The following MSI2 variants were observed in gnomAD, a reference collection of about 807,000 sequenced individuals.
MSI2 encodes musashi RNA binding protein 2.
A neutral mutation model predicts 45.6 loss-of-function variants in MSI2; 17 were observed. The observed-to-expected ratio is 0.37, with a 90% CI of 0.26 to 0.56. The LOEUF is 0.56. Among genes scored for constraint, MSI2 ranks in the 20% least tolerant of loss-of-function variants. The pLI, the probability that MSI2 is intolerant of heterozygous loss-of-function variation, is 0.77. For synonymous variants in MSI2, 156 were observed against 158.2 expected (o/e 0.99, Z 0.11); for missense variants, 293 against 444.2 (o/e 0.66, Z 3.06).
At chr17:57,631,970 T>C (rs1284812034) in intron 10 of MSI2, 7 of 1,444,992 alleles carry the variant, frequency 4.8e-6, no homozygotes, top group Non-Finnish European at 6.3e-6. Flanking sequence ...GACTGTTCTT[T>C]TTCTCATTTT....
At chr17:57,672,035 C>T (rs1228558062) in intron 11 of MSI2, among the ~76,000 whole-genome samples, 2 of 152,208 alleles carry the variant, frequency 1.3e-5, no homozygotes, top group East Asian at 1.9e-4. Context: ...TAGCTAGAGG[C>T]GGGACCAGCC....
At chr17:57,468,024 C>A (rs1187351552) in intron 6 of MSI2, among the ~76,000 whole-genome samples, 1 of 151,856 alleles carries the variant, frequency 6.6e-6, no homozygotes, top group Non-Finnish European at 1.5e-5. Context: ...AAAGTCGTTG[C>A]CTCAAACCCA....
intron 6 of MSI2, among the ~76,000 whole-genome samples, chr17:57,424,181 G>A (rs2084447715): frequency 6.6e-6 from 1 of 152,190 alleles, no homozygotes; most frequent in South Asian, 2.1e-4. Flanking sequence ...CTGTGTAGGA[G>A]CTGTCTTCTG....
intron 6 of MSI2, among the ~76,000 whole-genome samples, chr17:57,482,436 G>A (rs890287708): frequency 1.3e-5 from 2 of 152,118 alleles, no homozygotes; most frequent in East Asian, 1.9e-4. Flanking sequence ...TTCTCTACCC[G>A]TGTACAATTT....
At chr17:57,650,360 G>A (rs1488597024) in intron 10 of MSI2, among the ~76,000 whole-genome samples, 1 of 152,200 alleles carries the variant, frequency 6.6e-6, no homozygotes, top group Admixed American at 6.5e-5. Flanking sequence ...AGAAGCCTGG[G>A]TGTCCTGGGG....
chr17:57,674,296 T>G (rs1913058969), intron 11 of MSI2, among the ~76,000 whole-genome samples: 1 of 147,408 alleles, frequency 6.8e-6, no homozygotes, highest in Admixed American at 6.7e-5. Context: ...GGGGGTGGGA[T>G]GGAGAATGGA....
At chr17:57,678,609 G>T (rs1913403447) in intron 13 of MSI2, among the ~76,000 whole-genome samples, 1 of 152,094 alleles carries the variant, frequency 6.6e-6, no homozygotes, top group Admixed American at 6.5e-5. Context: ...AGAAGGAGTG[G>T]TGCAGGGCTT....
At chr17:57,656,426 T>C (rs944000430) in intron 11 of MSI2, among the ~76,000 whole-genome samples, 4 of 152,232 alleles carry the variant, frequency 2.6e-5, no homozygotes, top group Non-Finnish European at 4.4e-5. Flanking sequence ...GCAAGACTCC[T>C]TCAAGCCCTT....
intron 5 of MSI2, among the ~76,000 whole-genome samples, chr17:57,392,200 A>G (rs746136502): frequency 2.0e-5 from 3 of 152,158 alleles, no homozygotes; most frequent in South Asian, 2.1e-4. Flanking sequence ...CCAGCCCCCA[A>G]TAGGAGTCAG....
chr17:57,336,755 C>T (rs748801379), intron 5 of MSI2, among the ~76,000 whole-genome samples: 16 of 152,092 alleles, frequency 1.1e-4, no homozygotes, highest in African/African-American at 3.6e-4. Context: ...CTCTTGCGTG[C>T]GAGGAACTAA....
In MSI2 at chr17:57,652,262, C is replaced by G; in HGVS notation, c.790+101C>G. The G allele has an allele frequency of 8.3e-7, 1 of 1,198,192 alleles. No individual in the cohort carries two copies. The highest frequency in any genetic ancestry group is 2.4e-5 in the East Asian group (1 of 41,994). The allele number at this position is 1,198,192 out of a possible 1,614,324, so 74.2% of individuals were successfully genotyped here. On this transcript the variant is annotated intron_variant, in intron 11 of 13. Coordinates refer to ENST00000284073, the MANE Select transcript of MSI2 (RefSeq NM_138962.4). The surrounding 1 kb of genome is among the most constrained non-coding windows in gnomAD (Gnocchi z 4.1). ...CTGTGTGGCTGCATCTGTCCAACAC[C>G]ACTCTCACCACAGCCCCGGGGAGGG...
At chr17:57,465,720 C>T (rs1199715147) in intron 6 of MSI2, among the ~76,000 whole-genome samples, 1 of 152,116 alleles carries the variant, frequency 6.6e-6, no homozygotes, top group African/African-American at 2.4e-5. Flanking sequence ...CCTGAGTGGC[C>T]ATGCTCTCCT....
At chr17:57,423,405 C>G (rs889983254) in intron 6 of MSI2, among the ~76,000 whole-genome samples, 2 of 152,250 alleles carry the variant, frequency 1.3e-5, no homozygotes, top group Admixed American at 6.5e-5. Context: ...TCTTACTTCT[C>G]TGGGCCTTGG....
chr17:57,534,454 G>A (rs762688355), intron 7 of MSI2, among the ~76,000 whole-genome samples: 1 of 152,214 alleles, frequency 6.6e-6, no homozygotes, highest in Non-Finnish European at 1.5e-5. Context: ...GCTCACACCT[G>A]TAATCCCAGC....
rs891333783 is a variant in MSI2 at position 57,597,069 on chromosome 17, A to G, written c.537+119A>G. The G allele has an allele frequency of 3.3e-5, 23 of 690,704 alleles. No homozygotes were observed. The African/African-American group carries it at 4.1e-4, about 12-fold the overall frequency. The allele number at this position is 690,704 out of a possible 1,614,324, so 42.8% of individuals were successfully genotyped here. ...AGTGGGCAGGGGTGGGGAGGGGGCT[A>G]GATGCTCGGGGTCCAGGCCTGTGAA... On this transcript the variant is annotated intron_variant, in intron 8 of 13. Coordinates refer to ENST00000284073, the MANE Select transcript of MSI2 (RefSeq NM_138962.4).
intron 10 of MSI2, among the ~76,000 whole-genome samples, chr17:57,645,288 A>G (rs1186613706): frequency 2.0e-5 from 3 of 152,208 alleles, no homozygotes; most frequent in African/African-American, 7.2e-5. Flanking sequence ...GGGACAGGCC[A>G]CAAGAGTTAG....
chr17:57,600,173 A>G (rs1905705389), intron 8 of MSI2, among the ~76,000 whole-genome samples: 1 of 152,260 alleles, frequency 6.6e-6, no homozygotes, highest in South Asian at 2.1e-4. Context: ...GAAAACTCAG[A>G]GACTGCCAAA....
At chr17:57,548,345 C>T (rs1240889770) in intron 7 of MSI2, among the ~76,000 whole-genome samples, 1 of 151,956 alleles carries the variant, frequency 6.6e-6, no homozygotes, top group African/African-American at 2.4e-5. Context: ...AAAAAAAAAT[C>T]AGATTTGTGT....
chr17:57,579,424 C>T (rs2088141428), intron 7 of MSI2, among the ~76,000 whole-genome samples: 1 of 152,188 alleles, frequency 6.6e-6, no homozygotes, highest in African/African-American at 2.4e-5. Flanking sequence ...CAGGTCTTGC[C>T]TCCTTGCCTG....
Sources: gnomAD v4.1 joint callset for allele counts (sites outside exome capture counted in the v4.1 genomes callset) on GRCh38, gnomAD v4.1.1 for gene constraint, Gnocchi (gnomAD v3.1) non-coding constraint, MANE v1.5 for transcripts, NCBI Gene and HGNC (gene_info 2026-07-23, HGNC 2026-07-21) for gene names.